The following WTAP variants were observed in gnomAD, a reference collection of about 807,000 sequenced individuals.
WTAP encodes the protein WT1 associated protein, also known as pre-mRNA-splicing regulator WTAP.
WTAP carries 8 observed loss-of-function variants against 50.0 expected under a neutral mutation model. The observed-to-expected ratio is 0.16, with a 90% CI of 0.09 to 0.29. The LOEUF (loss-of-function observed/expected upper bound fraction) is 0.29, where lower values mean the gene tolerates loss of function less well. WTAP is among the 10% of genes least tolerant of loss of function. The pLI, the probability that WTAP is intolerant of heterozygous loss-of-function variation, is 1.00. For synonymous variants in WTAP, 194 were observed against 169.0 expected (o/e 1.15, Z -1.15); for missense variants, 295 against 470.7 (o/e 0.63, Z 3.45).
Position 159,748,069 on chromosome 6 carries a change from A to G in WTAP, c.274-122A>G. On this transcript the variant is annotated intron_variant, in intron 5 of 7. Transcript: ENST00000621533. The surrounding 1 kb of genome is among the most constrained non-coding windows in gnomAD (Gnocchi z 5.6). ...TAAGATTTTTCTAGAGAATTTCAGG[A>G]TCAAAGAGGGGAGGAGCTTAATGAA... 8.0e-7 allele frequency: 1 copy of G among 1,243,596 alleles called. No individual in the cohort carries two copies. Among genetic ancestry groups the G allele is most frequent in the Non-Finnish European group, 1.1e-6 (1 of 908,198 alleles). The allele number at this position is 1,243,596 out of a possible 1,614,324, so 77.0% of individuals were successfully genotyped here.
intron 2 of WTAP, among the ~76,000 whole-genome samples, chr6:159,737,199 C>T (rs1402867670): frequency 6.6e-6 from 1 of 152,042 alleles, no homozygotes; most frequent in Non-Finnish European, 1.5e-5. Flanking sequence ...CAAGTACGTG[C>T]CACCACGCCC....
Position 159,744,585 on chromosome 6 carries a change from T to TTCCCTG in WTAP, c.273+798_273+799insGTCCCT, listed in dbSNP as rs557753867. On this transcript the variant is annotated intron_variant, in intron 5 of 7. Transcript: ENST00000621533. The stretch of plus-strand genomic sequence containing the variant: ...TAAGGTTCAGTCACAGTCCTTTTAC[T>TTCCCTG]TCCCTTACAGAGATTGTTTAAATTT... Among the ~76,000 whole-genome samples, 91 of 152,370 alleles carry TTCCCTG rather than the reference T, an allele frequency of 6.0e-4. No individual in the cohort carries two copies. The East Asian group carries it at 0.015, about 25-fold the overall frequency.
At chr6:159,750,568 G>A (rs1779781106) in intron 6 of WTAP, among the ~76,000 whole-genome samples, 2 of 152,056 alleles carry the variant, frequency 1.3e-5, no homozygotes, top group South Asian at 4.1e-4. Context: ...GTTATTTTAT[G>A]TATATTGTTT....
chr6:159,749,825 G>C (rs186150754), intron 6 of WTAP, among the ~76,000 whole-genome samples: 9 of 152,268 alleles, frequency 5.9e-5, no homozygotes, highest in Admixed American at 2.0e-4. Context: ...TTTTCTTCAT[G>C]CTTCCATCCA....
chr6:159,727,931 G>C (rs1484483583), intron 1 of WTAP, among the ~76,000 whole-genome samples: 1 of 152,258 alleles, frequency 6.6e-6, no homozygotes, highest in East Asian at 1.9e-4. Context: ...CCCGGGTTGA[G>C]AGGGGTGCTC....
intron 1 of WTAP, 139 bp downstream of exon 1, chr6:159,727,842 G>A: frequency 1.7e-6 from 1 of 575,524 alleles, no homozygotes; most frequent in Non-Finnish European, 2.2e-6. Flanking sequence ...GGTCTCTCGT[G>A]AGCCGCTCTA....
At chr6:159,733,677 G>GCTGAGGTGGGCAGATCAC (rs1778728598) in intron 1 of WTAP, among the ~76,000 whole-genome samples, 1 of 152,086 alleles carries the variant, frequency 6.6e-6, no homozygotes, top group African/African-American at 2.4e-5. Flanking sequence ...CACTTGGGAG[G>GCTGAGGTGGGCAGATCAC]CTGAGGTGGG....
At position 159,739,824 on chromosome 6, in the gene WTAP, CTTTTTTTTTTTTTTTT is replaced by C. The variant is rs56389349; in HGVS notation, c.86+797_86+812del. Among the ~76,000 whole-genome samples the C allele has an allele frequency of 1.5e-4, 13 of 85,188 alleles. No homozygotes were observed. In the East Asian group the frequency reaches 1.9e-3, roughly 12 times the overall value. The allele number at this position is 85,188 out of a possible 152,430, so 55.9% of individuals were successfully genotyped here. ...ACTGTATTATGAACACACTTTTTAC[CTTTTTTTTTTTTTTTT>C]TTTTTTTTTTTTTTTTTGCCATAAT... On this transcript the variant is annotated intron_variant, in intron 3 of 7. Transcript: ENST00000621533.
At chr6:159,742,377 A>G (rs111793095) in intron 4 of WTAP, among the ~76,000 whole-genome samples, 4 of 152,184 alleles carry the variant, frequency 2.6e-5, no homozygotes, top group African/African-American at 9.7e-5. Context: ...ACTTAGCAAA[A>G]TTATATGCAA....
chr6:159,739,240 T>G (rs1228630680), intron 3 of WTAP, among the ~76,000 whole-genome samples, 195 bp downstream of exon 3: 1 of 152,222 alleles, frequency 6.6e-6, no homozygotes, highest in Non-Finnish European at 1.5e-5. Context: ...AAAGAACTAC[T>G]AGGAAGCTAT....
intron 7 of WTAP, among the ~76,000 whole-genome samples, chr6:159,753,897 C>T (rs1192162710): frequency 6.6e-6 from 1 of 152,124 alleles, no homozygotes; most frequent in East Asian, 1.9e-4. Flanking sequence ...TGTTGTATTA[C>T]TTAACAAGAT....
intron 5 of WTAP, among the ~76,000 whole-genome samples, chr6:159,744,385 G>A (rs918393902): frequency 5.3e-5 from 8 of 152,118 alleles, no homozygotes; most frequent in African/African-American, 1.9e-4. Flanking sequence ...CCTTGTTTCT[G>A]ATTTTAAAAT....
chr6:159,742,077 T>C lies in WTAP; in HGVS notation c.87-11T>C, dbSNP rs752972852. 3.1e-6 allele frequency: 5 copies of C among 1,588,444 alleles called. No individual in the cohort carries two copies. In the East Asian group the frequency reaches 1.1e-4, roughly 36 times the overall value. On this transcript the variant is annotated splice_polypyrimidine_tract_variant and intron_variant, in intron 3 of 7. Transcript: ENST00000621533. ...ATCGTAACAACTAATGTATGGATTT[T>C]TTTTTATTAGATGGAAACAATATGA...
chr6:159,741,723 C>T, intron 3 of WTAP: 1 of 180,656 alleles, frequency 5.5e-6, no homozygotes, highest in Non-Finnish European at 1.2e-5. Context: ...TGTGGTGACT[C>T]AGGCCTGTAA....
chr6:159,737,350 C>T (rs1778984112), intron 2 of WTAP, among the ~76,000 whole-genome samples: 3 of 152,060 alleles, frequency 2.0e-5, no homozygotes, highest in African/African-American at 7.2e-5. Flanking sequence ...CTCTGGCAGC[C>T]TTTCAATATG....
At chr6:159,736,335 G>GT (rs753297041) in intron 2 of WTAP, 40 bp downstream of exon 2, 27 of 1,501,892 alleles carry the variant, frequency 1.8e-5, no homozygotes, top group Non-Finnish European at 2.3e-5. Flanking sequence ...TTTGTTTTGG[G>GT]TTTTTTGGGG....
intron 5 of WTAP, among the ~76,000 whole-genome samples, chr6:159,745,882 A>G (rs1210766914): frequency 6.6e-6 from 1 of 152,212 alleles, no homozygotes; most frequent in African/African-American, 2.4e-5. Flanking sequence ...GGCACAATCA[A>G]TAGGACTTGT....
chr6:159,728,839 A>G (rs1322220488), intron 1 of WTAP, among the ~76,000 whole-genome samples: 2 of 152,238 alleles, frequency 1.3e-5, no homozygotes, highest in Non-Finnish European at 2.9e-5. Flanking sequence ...AGGTATCTTA[A>G]GCAGACACAT....
chr6:159,755,647 A>G lies in WTAP; in HGVS notation c.*36A>G. The G allele has an allele frequency of 1.3e-6, 2 of 1,530,798 alleles. No homozygotes were observed. The highest frequency in any genetic ancestry group is 1.8e-6 in the Non-Finnish European group (2 of 1,141,920). The allele number at this position is 1,530,798 out of a possible 1,614,324, so 94.8% of individuals were successfully genotyped here. A position where few individuals can be genotyped will look rare whatever the true frequency, so the allele number is the denominator to read the frequency against. ...GCAAATTTTTATACAGTGTCATTTA[A>G]TTTGGGAGAGGATACTGTCCAGAAA... On this transcript the variant is annotated 3_prime_UTR_variant, in exon 8 of 8. Coordinates refer to ENST00000621533, the MANE Select transcript of WTAP (RefSeq NM_001270531.2).
Sources: gnomAD v4.1 joint callset for allele counts (sites outside exome capture counted in the v4.1 genomes callset) on GRCh38, gnomAD v4.1.1 for gene constraint, Gnocchi (gnomAD v3.1) non-coding constraint, MANE v1.5 for transcripts, NCBI Gene and HGNC (gene_info 2026-07-23, HGNC 2026-07-21) for gene names.